CTNNA3: variants seen among roughly 807,000 people sequenced by gnomAD.
The protein encoded by CTNNA3 is catenin alpha-3.
Under a neutral mutation model 95.7 loss-of-function variants are expected in CTNNA3, and 76 were observed. The observed-to-expected ratio is 0.79, with a 90% CI of 0.66 to 0.96. The LOEUF (loss-of-function observed/expected upper bound fraction) is 0.96. CTNNA3 is among the 40% of genes least tolerant of loss of function. The pLI is 0.00. For synonymous variants in CTNNA3, 431 were observed against 374.4 expected (o/e 1.15, Z -1.74); for missense variants, 1,191 against 1,089.8 (o/e 1.09, Z -1.31).
At chr10:66,109,589 G>A (rs1352534848) in intron 13 of CTNNA3, among the ~76,000 whole-genome samples, 1 of 152,160 alleles carries the variant, frequency 6.6e-6, no homozygotes, top group Non-Finnish European at 1.5e-5. Context: ...AGGAGTAAGG[G>A]AAGGCCCAAG....
chr10:66,446,750 T>C (rs1455072095), intron 11 of CTNNA3, among the ~76,000 whole-genome samples: 1 of 152,108 alleles, frequency 6.6e-6, no homozygotes, highest in East Asian at 1.9e-4. Context: ...AAGCATTCCC[T>C]TTGAAAACTG....
Position 66,773,834 on chromosome 10 carries a change from C to T in CTNNA3, c.1128+1610G>A, listed in dbSNP as rs190823323. Among the ~76,000 whole-genome samples, 6 of 152,246 alleles carry T rather than the reference C, an allele frequency of 3.9e-5. No individual in the cohort carries two copies. The South Asian group carries it at 1.2e-3, about 32-fold the overall frequency. Reference sequence around the variant, plus strand: ...AATCCCCAATGCTATTTCTATATCTCACTGATGGTAGTGAGGTGGAAATAC... The same window carrying T: ...AATCCCCAATGCTATTTCTATATCTTACTGATGGTAGTGAGGTGGAAATAC... On this transcript the variant is annotated intron_variant, in intron 8 of 17. Transcript: ENST00000433211.
At chr10:67,410,051 G>A (rs1455342514) in intron 5 of CTNNA3, among the ~76,000 whole-genome samples, 1 of 152,142 alleles carries the variant, frequency 6.6e-6, no homozygotes, top group African/African-American at 2.4e-5. Context: ...TAAGACTCAT[G>A]CACACATATG....
At chr10:67,726,432 C>CATATGTAATATTATATATT (rs1841220700) in intron 1 of CTNNA3, among the ~76,000 whole-genome samples, 2 of 51,408 alleles carry the variant, frequency 3.9e-5, no homozygotes, top group East Asian at 1.6e-3. Context: ...TATATTATAT[C>CATATGTAATATTATATATT]ATATATAATA....
chr10:65,948,324 G>A (rs1019257851), intron 17 of CTNNA3, among the ~76,000 whole-genome samples: 4 of 149,740 alleles, frequency 2.7e-5, no homozygotes, highest in East Asian at 2.0e-4. Flanking sequence ...CCACGTAAGC[G>A]CATGCATGCA....
intron 13 of CTNNA3, among the ~76,000 whole-genome samples, chr10:66,187,330 G>A (rs1044791151): frequency 4.6e-5 from 7 of 150,998 alleles, no homozygotes; most frequent in South Asian, 4.2e-4. Context: ...AAACAACAAG[G>A]CAACCACAAA....
At chr10:67,519,021 A>G (rs534045526) in intron 5 of CTNNA3, among the ~76,000 whole-genome samples, 3 of 152,220 alleles carry the variant, frequency 2.0e-5, no homozygotes, top group East Asian at 1.9e-4. Context: ...ACCTTTTCCA[A>G]TCAAAGCTAT....
intron 7 of CTNNA3, among the ~76,000 whole-genome samples, chr10:66,792,590 G>C (rs1418975108): frequency 6.6e-6 from 1 of 151,968 alleles, no homozygotes; most frequent in Non-Finnish European, 1.5e-5. Flanking sequence ...AGCATTTTCT[G>C]TTCTTTTGCT....
chr10:67,385,535 A>ATTT (rs1409608040), intron 5 of CTNNA3, among the ~76,000 whole-genome samples: 1 of 152,244 alleles, frequency 6.6e-6, no homozygotes, highest in African/African-American at 2.4e-5. Context: ...CTCTAATAGA[A>ATTT]TAAAGTTTGC....
chr10:66,071,055 A>G (rs1373944694), intron 14 of CTNNA3, among the ~76,000 whole-genome samples: 1 of 152,154 alleles, frequency 6.6e-6, no homozygotes, highest in East Asian at 1.9e-4. Flanking sequence ...ATGATTTATT[A>G]TATGTCATCG....
At chr10:66,441,182 C>A (rs1243988181) in intron 11 of CTNNA3, among the ~76,000 whole-genome samples, 2 of 151,704 alleles carry the variant, frequency 1.3e-5, no homozygotes, top group African/African-American at 4.8e-5. Context: ...AATATTTAAT[C>A]ATTTTAAAAT....
At chr10:66,336,167 C>G (rs926516284) in intron 12 of CTNNA3, among the ~76,000 whole-genome samples, 8 of 152,062 alleles carry the variant, frequency 5.3e-5, no homozygotes, top group Non-Finnish European at 1.0e-4. Flanking sequence ...TTCCCTGACC[C>G]CTTGTGCTTC....
chr10:67,495,875 A>T (rs1450609675), intron 5 of CTNNA3, among the ~76,000 whole-genome samples: 2 of 152,184 alleles, frequency 1.3e-5, no homozygotes, highest in Non-Finnish European at 2.9e-5. Context: ...CAAAGACCTA[A>T]CCTGTATAGT....
chr10:66,603,755 G>C (rs1026652322), intron 10 of CTNNA3, among the ~76,000 whole-genome samples: 2 of 152,042 alleles, frequency 1.3e-5, no homozygotes, highest in African/African-American at 2.4e-5. Context: ...GAACAGAATA[G>C]AGAATACAGA....
intron 7 of CTNNA3, among the ~76,000 whole-genome samples, chr10:67,067,677 TAGGTG>T (rs1856177033): frequency 6.6e-6 from 1 of 152,224 alleles, no homozygotes; most frequent in Non-Finnish European, 1.5e-5. Context: ...AACAAGCTCT[TAGGTG>T]ATTCAAAATA....
At chr10:66,270,993 TGGA>T (rs1276569926) in intron 13 of CTNNA3, among the ~76,000 whole-genome samples, 1 of 152,204 alleles carries the variant, frequency 6.6e-6, no homozygotes, top group African/African-American at 2.4e-5. Flanking sequence ...GGGAAGTCTA[TGGA>T]GTCTAAAGGC....
chr10:66,382,236 G>A (rs116025507), intron 11 of CTNNA3, among the ~76,000 whole-genome samples: 2,464 of 152,218 alleles, frequency 0.016, 54 homozygotes, highest in African/African-American at 0.056. Context: ...CAAATACTGC[G>A]CTTTTCCCAA....
At chr10:66,854,522 G>T (rs997713700) in intron 7 of CTNNA3, among the ~76,000 whole-genome samples, 2 of 151,828 alleles carry the variant, frequency 1.3e-5, no homozygotes, top group African/African-American at 4.8e-5. Context: ...ACCTAAGAGA[G>T]GTGCAGATAA....
chr10:66,494,816 T>A (rs898988553), intron 11 of CTNNA3, among the ~76,000 whole-genome samples: 20 of 152,242 alleles, frequency 1.3e-4, no homozygotes, highest in African/African-American at 4.8e-4. Flanking sequence ...TCACAACCAC[T>A]GTCTATTACA....
Sources: allele counts gnomAD v4.1 joint callset (sites outside exome capture counted in the v4.1 genomes callset), GRCh38; gene constraint gnomAD v4.1.1; transcripts MANE v1.5; gene names NCBI Gene and HGNC (gene_info 2026-07-23, HGNC 2026-07-21).